The following NELFA variants were observed in gnomAD, a reference collection of about 807,000 sequenced individuals.
NELFA encodes negative elongation factor complex member A.
Under a neutral mutation model 51.8 loss-of-function variants are expected in NELFA, and 35 were observed. That is an observed-to-expected ratio of 0.68 (90% CI 0.52 to 0.90). The LOEUF is 0.90. Ranked by LOEUF, NELFA falls within the 40% of genes least tolerant of loss-of-function variation. The pLI is 0.00. For missense variants in NELFA, 658 were observed against 746.4 expected (o/e 0.88, Z 1.38); for synonymous variants, 417 against 338.4 (o/e 1.23, Z -2.55).
chr4:2,005,915 C>G (rs967708808), intron 1 of NELFA, among the ~76,000 whole-genome samples: 1 of 152,220 alleles, frequency 6.6e-6, no homozygotes, highest in East Asian at 1.9e-4. Context: ...ATAAAGAGGA[C>G]AGCACCCCAG....
intron 1 of NELFA, among the ~76,000 whole-genome samples, chr4:1,997,909 AG>A (rs1489221811): frequency 6.6e-6 from 1 of 152,168 alleles, no homozygotes; most frequent in African/African-American, 2.4e-5. Context: ...TCGAGATCAG[AG>A]GTCCCAGAAG....
intron 7 of NELFA, 95 bp downstream of exon 7, chr4:1,985,681 T>C (rs979296795): frequency 1.1e-6 from 1 of 876,710 alleles, no homozygotes; most frequent in Non-Finnish European, 1.8e-6. Context: ...TACATACATA[T>C]ATATATTCTC....
At chr4:1,995,001 G>A (rs777719911) in intron 1 of NELFA, among the ~76,000 whole-genome samples, 5 of 152,232 alleles carry the variant, frequency 3.3e-5, no homozygotes, top group Non-Finnish European at 7.3e-5. Flanking sequence ...CACCTGGACA[G>A]TTAGTCCCTC....
Position 1,983,911 on chromosome 4 carries a change from G to A in NELFA, c.1239C>T (p.Ala413=). The part of the protein sequence containing the change: ...VAPTTQTPPV[A]MVAPQTQAPA... ...GGGCCTGGGTCTGCGGGGCCACCAT[G>A]GCAACCGGGGGTGTCTGAGTGGTAG... is the stretch of plus-strand genomic sequence containing the variant. The change falls in exon 9 of 11, where the codon GCC becomes GCT. Residue 413 remains alanine, a synonymous_variant. Transcript: ENST00000382882. The A allele has an allele frequency of 6.2e-7, 1 of 1,604,852 alleles. No homozygotes were observed. The highest frequency in any genetic ancestry group is 8.5e-7 in the Non-Finnish European group (1 of 1,175,522).
intron 1 of NELFA, 126 bp downstream of exon 1, chr4:2,008,624 G>C (rs1577635226): frequency 8.9e-7 from 1 of 1,126,252 alleles, no homozygotes; most frequent in East Asian, 2.7e-5. Flanking sequence ...GGGCCGGGGG[G>C]GTTAACAGTC....
chr4:1,990,299 C>T, intron 2 of NELFA: 1 of 424,850 alleles, frequency 2.4e-6, no homozygotes. Context: ...GAACCCTGGC[C>T]CTCATCCAAA....
At chr4:1,986,518 C>T (rs1728104592) in intron 4 of NELFA, 116 bp from the exon 5 acceptor site, 1 of 1,520,934 alleles carries the variant, frequency 6.6e-7, no homozygotes, top group Non-Finnish European at 8.9e-7. Flanking sequence ...AAGGGCCAAA[C>T]CCCTGGCGGG....
Position 1,997,334 on chromosome 4 carries a change from A to G in NELFA, c.211-5619T>C, listed in dbSNP as rs1258102512. On this transcript the variant is annotated intron_variant, in intron 1 of 10. Transcript: ENST00000382882. ...CATAACCCCAATACCAAAATCCAAC[A>G]AAGACAGTCTGGGTAAGTAAAACTA... 2.6e-5 allele frequency among the ~76,000 whole-genome samples: 4 copies of G among 152,248 alleles called. No individual in the cohort carries two copies. The South Asian group carries it at 6.2e-4, about 24-fold the overall frequency.
Position 1,982,975 on chromosome 4 carries a change from A to C in NELFA, c.*344T>G. 6 of 183,932 alleles carry C rather than the reference A, an allele frequency of 3.3e-5. No homozygotes were observed. The highest frequency in any genetic ancestry group is 1.6e-4 in the East Asian group (1 of 6,316). 11.4% of individuals were successfully genotyped at this position (183,932 alleles called of 1,614,324 possible). On this transcript the variant is annotated 3_prime_UTR_variant, in exon 11 of 11. Coordinates refer to ENST00000382882, the MANE Select transcript of NELFA (RefSeq NM_005663.5). ...AGGAGGGCACTGCCCCAGCGAGGGA[A>C]AATAGAAAAGATTTTAAAAAGTAAG...
At chr4:1,992,945 C>T (rs2109060818) in intron 1 of NELFA, among the ~76,000 whole-genome samples, 1 of 152,300 alleles carries the variant, frequency 6.6e-6, no homozygotes, top group South Asian at 2.1e-4. Flanking sequence ...TCGCCCCGGC[C>T]GCTGACCCTG....
chr4:2,008,152 C>A, intron 1 of NELFA: 1 of 421,106 alleles, frequency 2.4e-6, no homozygotes, highest in Non-Finnish European at 4.8e-6. Flanking sequence ...CCCGCCCTCG[C>A]CCAGGTCACC....
chr4:1,998,267 A>C (rs1033452107), intron 1 of NELFA, among the ~76,000 whole-genome samples: 10 of 152,134 alleles, frequency 6.6e-5, no homozygotes, highest in African/African-American at 2.4e-4. Context: ...TCTCTCCAAA[A>C]AGGGCGCAGA....
At chr4:1,983,725 G>A in intron 9 of NELFA, 30 bp from the exon 10 acceptor site, 1 of 1,611,434 alleles carries the variant, frequency 6.2e-7, no homozygotes, top group Non-Finnish European at 8.5e-7. Context: ...GTGGGTGCCA[G>A]GGCCCCGCCA....
intron 2 of NELFA, chr4:1,990,366 C>T: frequency 2.2e-6 from 1 of 456,934 alleles, no homozygotes; most frequent in Admixed American, 2.3e-5. Context: ...ATCCCAGAAA[C>T]TGCCCCACGA....
chr4:1,983,273 TC>T lies in NELFA; in HGVS notation c.*45del. The stretch of plus-strand genomic sequence containing the variant: ...TTACTTTAAGCTGGCAAAGCCATCG[TC>T]CCGTGGACCCCCACAAGTGACGGCC... On this transcript the variant is annotated 3_prime_UTR_variant, in exon 11 of 11. Transcript: ENST00000382882. 1.3e-6 allele frequency: 2 copies of T among 1,571,766 alleles called. No individual in the cohort carries two copies. Among genetic ancestry groups the T allele is most frequent in the Non-Finnish European group, 1.7e-6 (2 of 1,152,344 alleles).
In NELFA at chr4:1,991,701, T is replaced by C. The variant is rs2109059849; in HGVS notation, c.225A>G (p.Leu75=). 6.2e-7 allele frequency: 1 copy of C among 1,601,500 alleles called. No homozygotes were observed. The highest frequency in any genetic ancestry group is 8.5e-7 in the Non-Finnish European group (1 of 1,174,824). Residue 75 remains leucine (L), a synonymous_variant, in exon 2 of 11, where the codon CTA becomes CTG. Transcript: ENST00000382882. ...GGCTGGCGAGCTGGATGATCTCCAT[T>C]AGGGCGCCCTTCATCTGCAAAATAG... is the stretch of plus-strand genomic sequence containing the variant. The part of the protein sequence containing the change: ...RRTVDEMKGA[L]MEIIQLASLD...
At chr4:1,999,687 TA>T (rs1471971412) in intron 1 of NELFA, among the ~76,000 whole-genome samples, 1 of 152,118 alleles carries the variant, frequency 6.6e-6, no homozygotes, top group African/African-American at 2.4e-5. Context: ...CACACAATAA[TA>T]GGGGGAGACT....
At chr4:2,008,189 C>A (rs1395737713) in intron 1 of NELFA, 1 of 375,848 alleles carries the variant, frequency 2.7e-6, no homozygotes, top group Non-Finnish European at 5.3e-6. Flanking sequence ...CGGGAAACCC[C>A]GATGGGAGAC....
At chr4:2,005,891 T>A (rs1312240253) in intron 1 of NELFA, among the ~76,000 whole-genome samples, 1 of 152,040 alleles carries the variant, frequency 6.6e-6, no homozygotes, top group African/African-American at 2.4e-5. Flanking sequence ...CACCCACAAA[T>A]TATAGGATGC....
Sources: gnomAD v4.1 joint callset for allele counts (sites outside exome capture counted in the v4.1 genomes callset) on GRCh38, gnomAD v4.1.1 for gene constraint, MANE v1.5 for transcripts, NCBI Gene and HGNC (gene_info 2026-07-23, HGNC 2026-07-21) for gene names.